The following CNTNAP3B variants were observed in gnomAD, a reference collection of about 807,000 sequenced individuals.
CNTNAP3B encodes contactin-associated protein-like 3B.
A neutral mutation model predicts 108.9 loss-of-function variants in CNTNAP3B; 25 were observed. The observed-to-expected ratio is 0.23, with a 90% CI of 0.17 to 0.32. CNTNAP3B has a LOEUF of 0.32. CNTNAP3B is among the 10% of genes least tolerant of loss of function. The pLI, the probability that CNTNAP3B is intolerant of heterozygous loss-of-function variation, is 1.00. For missense variants in CNTNAP3B, 252 were observed against 1,210.4 expected (o/e 0.21, Z 11.75); for synonymous variants, 103 against 473.4 (o/e 0.22, Z 10.16).
At chr9:41,953,149 G>T (rs1236335951) in intron 13 of CNTNAP3B, 34 bp downstream of exon 13, 9 of 1,492,584 alleles carry the variant, frequency 6.0e-6, no homozygotes, top group Admixed American at 4.7e-5. Flanking sequence ...CCCCGGCCTC[G>T]TGAGCCCCTG....
At chr9:42,086,291 C>T (rs1827701562) in intron 2 of CNTNAP3B, among the ~76,000 whole-genome samples, 1 of 139,366 alleles carries the variant, frequency 7.2e-6, no homozygotes, top group Admixed American at 7.1e-5. Flanking sequence ...CCCACAACAC[C>T]TAGGAATTAT....
Position 41,918,636 on chromosome 9 carries a change from G to A in CNTNAP3B, c.2995+1434C>T, listed in dbSNP as rs570804710. ...AACTATAACATATGCCCCAGCCACT[G>A]GAGGACCATTTTCCATTTACTTACC... On this transcript the variant is annotated intron_variant, in intron 18 of 23. Coordinates refer to ENST00000377561, the MANE Select transcript of CNTNAP3B (RefSeq NM_001201380.3). 6.3e-4 allele frequency among the ~76,000 whole-genome samples: 89 copies of A among 141,300 alleles called. 4 individuals are homozygous for A. Among genetic ancestry groups the A allele is most frequent in the Non-Finnish European group, 1.2e-3 (75 of 65,202 alleles). The allele number at this position is 141,300 out of a possible 152,430, so 92.7% of individuals were successfully genotyped here. A position where few individuals can be genotyped will look rare whatever the true frequency, so the allele number is the denominator to read the frequency against.
At chr9:42,128,791 AGTC>A (rs1194193159) in intron 1 of CNTNAP3B, among the ~76,000 whole-genome samples, 5 of 99,096 alleles carry the variant, frequency 5.0e-5, no homozygotes, top group African/African-American at 2.3e-4. Context: ...TCGATTAAAA[AGTC>A]AAAACATGCA....
At chr9:42,121,270 C>A (rs545895978) in intron 1 of CNTNAP3B, among the ~76,000 whole-genome samples, 3 of 138,976 alleles carry the variant, frequency 2.2e-5, no homozygotes, top group East Asian at 4.4e-4. Context: ...AATGACACCC[C>A]CTTTTGGTGG....
At chr9:42,097,661 C>T (rs999221546) in intron 2 of CNTNAP3B, among the ~76,000 whole-genome samples, 3 of 137,496 alleles carry the variant, frequency 2.2e-5, no homozygotes, top group Non-Finnish European at 3.1e-5. Flanking sequence ...TGTAATTGAT[C>T]TTACATTTTG....
At chr9:42,001,360 G>A (rs1021316751) in intron 4 of CNTNAP3B, among the ~76,000 whole-genome samples, 3 of 128,294 alleles carry the variant, frequency 2.3e-5, no homozygotes, top group Non-Finnish European at 4.9e-5. Flanking sequence ...GCTGCAGTGA[G>A]CAGTGCTTGT....
At chr9:41,964,425 A>G (rs770289001) in intron 11 of CNTNAP3B, 113 bp downstream of exon 11, 2 of 1,421,162 alleles carry the variant, frequency 1.4e-6, no homozygotes, top group African/African-American at 1.5e-5. Context: ...GTGCTGAAAT[A>G]TCTCTTCTGA....
chr9:42,114,107 T>G (rs1828260735), intron 1 of CNTNAP3B, among the ~76,000 whole-genome samples: 1 of 116,700 alleles, frequency 8.6e-6, no homozygotes, highest in African/African-American at 3.7e-5. Context: ...TATAACATCT[T>G]AAAGGGACCT....
intron 3 of CNTNAP3B, among the ~76,000 whole-genome samples, chr9:42,047,678 C>CCCTTCCTTCCTTCCTT: frequency 5.2e-5 from 1 of 19,278 alleles, no homozygotes; most frequent in Middle Eastern, 0.021. Context: ...GCCCCTTCCT[C>CCCTTCCTTCCTTCCTT]CCTTCCTTCC....
intron 1 of CNTNAP3B, among the ~76,000 whole-genome samples, chr9:42,109,557 A>G (rs1255418836): frequency 6.8e-6 from 1 of 146,110 alleles, no homozygotes; most frequent in Non-Finnish European, 1.5e-5. Context: ...GGAGCTTTAC[A>G]TTCAAATGAG....
At chr9:42,126,990 T>G (rs1412779545) in intron 1 of CNTNAP3B, among the ~76,000 whole-genome samples, 1 of 138,910 alleles carries the variant, frequency 7.2e-6, no homozygotes, top group East Asian at 2.2e-4. Flanking sequence ...GGTGTCTTCA[T>G]GAGAAGGAAA....
At chr9:41,924,435 A>T (rs1588042171) in intron 15 of CNTNAP3B, among the ~76,000 whole-genome samples, 1 of 152,422 alleles carries the variant, frequency 6.6e-6, no homozygotes, top group East Asian at 1.9e-4. Context: ...ACTCGGTAAG[A>T]TGTGAGAAGA....
Position 42,077,493 on chromosome 9 carries a change from G to C in CNTNAP3B, c.197-431C>G, listed in dbSNP as rs1827517004. ...ACTCAAAGTGCTTACAGTCTCATAG[G>C]AGAAATGGATGTAAAAGAAGAGTTA... On this transcript the variant is annotated intron_variant, in intron 2 of 23. Transcript: ENST00000377561. 2.2e-5 allele frequency among the ~76,000 whole-genome samples: 3 copies of C among 135,008 alleles called. No individual in the cohort carries two copies. In the South Asian group the frequency reaches 7.2e-4, roughly 33 times the overall value. 88.6% of individuals were successfully genotyped at this position (135,008 alleles called of 152,430 possible).
At chr9:42,045,627 C>A (rs1369549964) in intron 3 of CNTNAP3B, among the ~76,000 whole-genome samples, 3 of 147,318 alleles carry the variant, frequency 2.0e-5, no homozygotes, top group Admixed American at 2.0e-4. Flanking sequence ...GCAGCATTAT[C>A]CACAATAGCC....
intron 3 of CNTNAP3B, among the ~76,000 whole-genome samples, chr9:42,042,931 C>T (rs1324912674): frequency 2.0e-5 from 3 of 147,450 alleles, no homozygotes; most frequent in African/African-American, 7.7e-5. Flanking sequence ...AACTAATTGA[C>T]TTTTTGCTAG....
intron 3 of CNTNAP3B, among the ~76,000 whole-genome samples, chr9:42,073,074 G>T (rs1827408576): frequency 7.2e-6 from 1 of 138,202 alleles, no homozygotes; most frequent in African/African-American, 2.9e-5. Context: ...TTTGCTTTTA[G>T]AATTAAAAAT....
At position 41,967,520 on chromosome 9, in the gene CNTNAP3B, C is replaced by T. The variant is rs542622800; in HGVS notation, c.1649+2554G>A. Among the ~76,000 whole-genome samples the T allele has an allele frequency of 3.3e-5, 5 of 152,384 alleles. No homozygotes were observed. The South Asian group carries it at 8.3e-4, about 25-fold the overall frequency. On this transcript the variant is annotated intron_variant, in intron 10 of 23. Transcript: ENST00000377561. ...TCTTTATTAGCAGCATGAGAACAGA[C>T]TAATACAATTAGATTTTTGTTTGTT...
intron 3 of CNTNAP3B, among the ~76,000 whole-genome samples, chr9:42,033,280 C>T (rs1480824397): frequency 1.3e-5 from 2 of 149,982 alleles, no homozygotes; most frequent in Non-Finnish European, 2.9e-5. Flanking sequence ...GAGATAAAAT[C>T]TCATCCATCT....
chr9:42,038,511 C>A (rs1383174424), intron 3 of CNTNAP3B, among the ~76,000 whole-genome samples: 1 of 109,378 alleles, frequency 9.1e-6, no homozygotes, highest in African/African-American at 3.5e-5. Flanking sequence ...TTTAAACCAA[C>A]AAAGATCAAA....
Sources: gnomAD v4.1 joint callset for allele counts (sites outside exome capture counted in the v4.1 genomes callset) on GRCh38, gnomAD v4.1.1 for gene constraint, MANE v1.5 for transcripts, NCBI Gene and HGNC (gene_info 2026-07-23, HGNC 2026-07-21) for gene names.